Variants in PRKN observed in about 807,000 individuals in gnomAD.
The protein encoded by PRKN is parkin RBR E3 ubiquitin protein ligase, also known as E3 ubiquitin-protein ligase parkin.
A neutral mutation model predicts 59.5 loss-of-function variants in PRKN; 56 were observed. That is an observed-to-expected ratio of 0.94 (90% CI 0.76 to 1.18). The LOEUF (loss-of-function observed/expected upper bound fraction) is 1.18, where lower values mean the gene tolerates loss of function less well. Ranked by LOEUF, PRKN falls within the 50% of genes most tolerant of loss-of-function variation. The pLI is 0.00. For missense variants in PRKN, 657 were observed against 596.4 expected, an observed-to-expected ratio of 1.10 and a Z score of -1.06; for synonymous variants, 250 against 222.1, an observed-to-expected ratio of 1.13 and a Z score of -1.12.
intron 6 of PRKN, among the ~76,000 whole-genome samples, chr6:161,909,748 G>A (rs980891047): frequency 1.3e-5 from 2 of 152,156 alleles, no homozygotes; most frequent in Non-Finnish European, 2.9e-5. Context: ...CCAAAGAAGA[G>A]ATTTCCACAA....
At position 161,399,091 on chromosome 6, in the gene PRKN, G is replaced by A. The variant is rs1474898817; in HGVS notation, c.1084-12214C>T. ...GAGAAGGAATATCTGAATGTCGAGAGGAGTTCTGCTGCAGACAGTTAGAGA... is the reference window on the plus strand; with the variant it reads ...GAGAAGGAATATCTGAATGTCGAGAAGAGTTCTGCTGCAGACAGTTAGAGA... On this transcript the variant is annotated intron_variant, in intron 9 of 11. Coordinates refer to ENST00000366898, the MANE Select transcript of PRKN (RefSeq NM_004562.3). The surrounding 1 kb of genome is among the most constrained non-coding windows in gnomAD (Gnocchi z 4.4). Among the ~76,000 whole-genome samples, 1 of 152,168 alleles carries A rather than the reference G, an allele frequency of 6.6e-6. No individual in the cohort carries two copies. The highest frequency in any genetic ancestry group is 1.9e-4 in the East Asian group (1 of 5,194).
At chr6:161,856,087 C>T (rs542278044) in intron 6 of PRKN, among the ~76,000 whole-genome samples, 14 of 152,256 alleles carry the variant, frequency 9.2e-5, no homozygotes, top group African/African-American at 1.2e-4. Flanking sequence ...CTGCTAGGTG[C>T]GGTGGCTCAC....
chr6:161,821,308 G>A (rs1792013512), intron 6 of PRKN, among the ~76,000 whole-genome samples: 1 of 151,976 alleles, frequency 6.6e-6, no homozygotes, highest in Non-Finnish European at 1.5e-5. Flanking sequence ...TAAAATATAG[G>A]CAGAATTATC....
chr6:162,488,143 A>AAC (rs1159248135), intron 1 of PRKN, among the ~76,000 whole-genome samples: 1 of 151,504 alleles, frequency 6.6e-6, no homozygotes, highest in African/African-American at 2.4e-5. Context: ...ACAAAGTTTA[A>AAC]ACACCACAAA....
At chr6:162,297,701 T>C (rs1286721211) in intron 2 of PRKN, among the ~76,000 whole-genome samples, 1 of 152,000 alleles carries the variant, frequency 6.6e-6, no homozygotes, top group African/African-American at 2.4e-5. Flanking sequence ...TTCAGAAAAA[T>C]ATAATTAAAA....
At chr6:162,610,939 C>T (rs534733550) in intron 1 of PRKN, among the ~76,000 whole-genome samples, 1 of 152,158 alleles carries the variant, frequency 6.6e-6, no homozygotes, top group South Asian at 2.1e-4. Flanking sequence ...CACATGCATC[C>T]TACATAAGTA....
intron 6 of PRKN, among the ~76,000 whole-genome samples, chr6:161,894,909 C>A (rs781499589): frequency 6.6e-5 from 10 of 152,194 alleles, no homozygotes; most frequent in Non-Finnish European, 1.2e-4. Flanking sequence ...TAATTATGTG[C>A]TTATTCCACC....
chr6:162,640,189 A>G (rs1465563480), intron 1 of PRKN, among the ~76,000 whole-genome samples: 1 of 152,124 alleles, frequency 6.6e-6, no homozygotes, highest in Non-Finnish European at 1.5e-5. Context: ...GAATCCATAC[A>G]TAACTAGTCT....
intron 5 of PRKN, among the ~76,000 whole-genome samples, chr6:161,978,350 G>A (rs1031942679): frequency 1.1e-4 from 16 of 152,130 alleles, no homozygotes; most frequent in Middle Eastern, 3.2e-3. Flanking sequence ...GTGCCCGGCC[G>A]ATCTGGTCAT....
At chr6:161,691,552 G>A (rs991309079) in intron 7 of PRKN, among the ~76,000 whole-genome samples, 1 of 152,180 alleles carries the variant, frequency 6.6e-6, no homozygotes, top group African/African-American at 2.4e-5. Flanking sequence ...AGCCTGTCTA[G>A]GTTATCTGCT....
At chr6:162,614,454 T>A (rs977630852) in intron 1 of PRKN, among the ~76,000 whole-genome samples, 3 of 152,208 alleles carry the variant, frequency 2.0e-5, no homozygotes, top group African/African-American at 7.2e-5. Flanking sequence ...ATACATACAC[T>A]TCAATATATT....
chr6:162,618,038 G>A (rs1782504268), intron 1 of PRKN, among the ~76,000 whole-genome samples: 1 of 152,246 alleles, frequency 6.6e-6, no homozygotes, highest in South Asian at 2.1e-4. Context: ...GGTAGACTGA[G>A]GGTTTAAACC....
At chr6:162,473,153 GTTATCT>G (rs1791840936) in intron 1 of PRKN, among the ~76,000 whole-genome samples, 1 of 152,074 alleles carries the variant, frequency 6.6e-6, no homozygotes, top group African/African-American at 2.4e-5. Context: ...CCTTGGTCAT[GTTATCT>G]ACTCTGAAGT....
chr6:162,601,392 T>C (rs1249449376), intron 1 of PRKN, among the ~76,000 whole-genome samples: 1 of 152,034 alleles, frequency 6.6e-6, no homozygotes, highest in Non-Finnish European at 1.5e-5. Flanking sequence ...GTATAAAGTA[T>C]GTAATATTTG....
At chr6:162,337,559 G>C (rs1370493636) in intron 2 of PRKN, among the ~76,000 whole-genome samples, 1 of 152,198 alleles carries the variant, frequency 6.6e-6, no homozygotes, top group Admixed American at 6.5e-5. Context: ...TGAGAACACA[G>C]AGAGAGGGCT....
intron 1 of PRKN, among the ~76,000 whole-genome samples, chr6:162,671,219 G>A (rs1779303952): frequency 1.3e-5 from 2 of 152,144 alleles, no homozygotes; most frequent in African/African-American, 4.8e-5. Flanking sequence ...AGAAGAGTCA[G>A]GCCAGGCGTG....
chr6:162,287,978 C>T (rs1022733537), intron 2 of PRKN, among the ~76,000 whole-genome samples: 1 of 152,148 alleles, frequency 6.6e-6, no homozygotes, highest in Non-Finnish European at 1.5e-5. Context: ...CCATGACCCA[C>T]AATTTTCCCA....
chr6:161,465,011 G>A (rs774931375), intron 9 of PRKN, among the ~76,000 whole-genome samples: 4 of 152,198 alleles, frequency 2.6e-5, no homozygotes, highest in Non-Finnish European at 4.4e-5. Flanking sequence ...CAACAAAAGC[G>A]ATAGGCTGCG....
At chr6:162,278,143 T>C (rs1405179906) in intron 2 of PRKN, among the ~76,000 whole-genome samples, 1 of 152,152 alleles carries the variant, frequency 6.6e-6, no homozygotes, top group Admixed American at 6.5e-5. Flanking sequence ...TAAGTGCATA[T>C]TACCAAGTGA....
Sources: gnomAD v4.1 joint callset for allele counts (sites outside exome capture counted in the v4.1 genomes callset) on GRCh38, gnomAD v4.1.1 for gene constraint, Gnocchi (gnomAD v3.1) non-coding constraint, MANE v1.5 for transcripts, NCBI Gene and HGNC (gene_info 2026-07-23, HGNC 2026-07-21) for gene names.